Variants in UBE2D2 observed in about 807,000 individuals in gnomAD.
The protein encoded by UBE2D2 is ubiquitin-conjugating enzyme E2 D2.
In UBE2D2, 2 loss-of-function variants were observed where a neutral mutation model predicts 24.2. The ratio of observed to expected loss-of-function variants is 0.08; its 90% CI spans 0.03 to 0.26. The LOEUF (loss-of-function observed/expected upper bound fraction) is 0.26. UBE2D2 is among the 10% of genes least tolerant of loss of function. The pLI, the probability that UBE2D2 is intolerant of heterozygous loss-of-function variation, is 1.00. For missense variants in UBE2D2, 44 were observed against 177.6 expected (o/e 0.25, Z 4.28); for synonymous variants, 58 against 56.5 (o/e 1.03, Z -0.12).
Position 139,573,068 on chromosome 5 carries a change from G to A in UBE2D2, c.24+11253G>A, listed in dbSNP as rs958178035. On this transcript the variant is annotated intron_variant, in intron 1 of 6. Coordinates refer to ENST00000398733, the MANE Select transcript of UBE2D2 (RefSeq NM_003339.3). ...TGTAATCCCAGCTCTTTGGGAGGCCGAGACGGGCAGATCATGAGGTCAGGA... is the reference window on the plus strand; with the variant it reads ...TGTAATCCCAGCTCTTTGGGAGGCCAAGACGGGCAGATCATGAGGTCAGGA... 3.9e-5 allele frequency among the ~76,000 whole-genome samples: 6 copies of A among 152,076 alleles called. No individual in the cohort carries two copies. The South Asian group carries it at 6.2e-4, about 16-fold the overall frequency.
chr5:139,544,903 A>G (rs1054183822), intron 1 of UBE2D2, among the ~76,000 whole-genome samples: 1 of 151,832 alleles, frequency 6.6e-6, no homozygotes, highest in Non-Finnish European at 1.5e-5. Context: ...CAGCCTCCCA[A>G]GTAGCTGGGA....
intron 6 of UBE2D2, among the ~76,000 whole-genome samples, chr5:139,626,409 A>G (rs549716755): frequency 6.6e-6 from 1 of 152,326 alleles, no homozygotes; most frequent in African/African-American, 2.4e-5. Flanking sequence ...GAGTTCAAGA[A>G]CTATGTAATG....
At chr5:139,605,591 C>CAAAAAAAAAAAAAAAAAAAA (rs70988710) in intron 2 of UBE2D2, among the ~76,000 whole-genome samples, 4 of 44,704 alleles carry the variant, frequency 8.9e-5, no homozygotes, top group African/African-American at 1.7e-4. Flanking sequence ...GACTCTGTCT[C>CAAAAAAAAAAAAAAAAAAAA]AAAAAAAAAA....
intron 5 of UBE2D2, among the ~76,000 whole-genome samples, chr5:139,620,477 A>G (rs934217805): frequency 2.5e-4 from 38 of 152,224 alleles, no homozygotes; most frequent in African/African-American, 9.2e-4. Flanking sequence ...TGATGTTAGA[A>G]TGTTCTATGC....
intron 1 of UBE2D2, among the ~76,000 whole-genome samples, chr5:139,570,848 C>T (rs903231239): frequency 5.9e-5 from 9 of 152,118 alleles, no homozygotes; most frequent in Admixed American, 3.3e-4. Flanking sequence ...CCACCACCCC[C>T]GGCTTTCTGC....
chr5:139,545,575 C>T (rs914527956), intron 1 of UBE2D2, among the ~76,000 whole-genome samples: 1 of 151,064 alleles, frequency 6.6e-6, no homozygotes, highest in Non-Finnish European at 1.5e-5. Context: ...ATAGGCACCA[C>T]CCACCATGCC....
intron 1 of UBE2D2, among the ~76,000 whole-genome samples, chr5:139,585,831 G>A (rs1753715145): frequency 6.6e-6 from 1 of 151,256 alleles, no homozygotes; most frequent in African/African-American, 2.4e-5. Context: ...TGAAACATAG[G>A]GAGGCTGAGG....
intron 5 of UBE2D2, among the ~76,000 whole-genome samples, chr5:139,617,534 G>A (rs1192619580): frequency 6.6e-6 from 1 of 151,364 alleles, no homozygotes; most frequent in Non-Finnish European, 1.5e-5. Context: ...CCACCACCAC[G>A]CCTGGCTAAT....
chr5:139,583,534 G>A (rs555050561), intron 1 of UBE2D2, among the ~76,000 whole-genome samples: 1 of 152,102 alleles, frequency 6.6e-6, no homozygotes, highest in Admixed American at 6.6e-5. Flanking sequence ...GGCTGAGGTG[G>A]GTGGATCACC....
chr5:139,583,381 G>A (rs1276715178), intron 1 of UBE2D2, among the ~76,000 whole-genome samples: 2 of 152,116 alleles, frequency 1.3e-5, no homozygotes, highest in African/African-American at 2.4e-5. Context: ...TAATACATAC[G>A]TTAATTAGCT....
chr5:139,552,049 G>A (rs1752926412), intron 1 of UBE2D2, among the ~76,000 whole-genome samples: 1 of 152,064 alleles, frequency 6.6e-6, no homozygotes. Context: ...ATAATTCCTT[G>A]GATAAACCAC....
intron 1 of UBE2D2, among the ~76,000 whole-genome samples, chr5:139,548,046 C>G (rs1229139800): frequency 6.6e-6 from 1 of 151,058 alleles, no homozygotes; most frequent in Non-Finnish European, 1.5e-5. Context: ...CGCCTGTAAT[C>G]CTAGCACTTT....
At chr5:139,614,557 A>G in intron 2 of UBE2D2, 29 bp from the exon 3 acceptor site, 2 of 1,611,902 alleles carry the variant, frequency 1.2e-6, no homozygotes, top group African/African-American at 1.3e-5. Context: ...ATATTGTTAC[A>G]TGGTGACTTT....
At chr5:139,565,513 G>A (rs943994511) in intron 1 of UBE2D2, among the ~76,000 whole-genome samples, 1 of 152,150 alleles carries the variant, frequency 6.6e-6, no homozygotes, top group Admixed American at 6.5e-5. Context: ...GATGCTTTGA[G>A]TGCCTGCCTC....
At chr5:139,528,750 C>CA (rs750694854) in intron 1 of UBE2D2, among the ~76,000 whole-genome samples, 2 of 152,182 alleles carry the variant, frequency 1.3e-5, no homozygotes, top group Non-Finnish European at 2.9e-5. Context: ...TAAACCCTGC[C>CA]ACCTTGCTCC....
intron 5 of UBE2D2, among the ~76,000 whole-genome samples, chr5:139,617,370 ATTTTTTTT>A (rs1292231182): frequency 9.8e-6 from 1 of 102,536 alleles, no homozygotes; most frequent in Non-Finnish European, 2.0e-5. Flanking sequence ...GTGGTGTGTG[ATTTTTTTT>A]TTTTTTTTTT....
intron 1 of UBE2D2, chr5:139,526,657 G>A (rs1752544373): frequency 6.6e-6 from 1 of 152,244 alleles, no homozygotes; most frequent in Non-Finnish European, 1.5e-5. Flanking sequence ...CTGAGTGGAA[G>A]CGTGGCCTGA....
upstream of UBE2D2, among the ~76,000 whole-genome samples, chr5:139,557,678 C>T (rs916293946): frequency 3.3e-5 from 5 of 152,002 alleles, no homozygotes; most frequent in African/African-American, 7.2e-5. Flanking sequence ...AACCCGGAGA[C>T]GGAGACTGCA....
At chr5:139,598,354 C>T (rs960887269) in intron 1 of UBE2D2, among the ~76,000 whole-genome samples, 1 of 151,964 alleles carries the variant, frequency 6.6e-6, no homozygotes, top group Non-Finnish European at 1.5e-5. Context: ...ACTAGTTCTT[C>T]TTGAGAACTT....
Sources: gnomAD v4.1 joint callset for allele counts (sites outside exome capture counted in the v4.1 genomes callset) on GRCh38, gnomAD v4.1.1 for gene constraint, MANE v1.5 for transcripts, NCBI Gene and HGNC (gene_info 2026-07-23, HGNC 2026-07-21) for gene names.